DNAH9: variants seen among roughly 807,000 people sequenced by gnomAD.
The protein encoded by DNAH9 is DNAH9 variant protein.
DNAH9 carries 345 observed loss-of-function variants against 471.6 expected under a neutral mutation model. The ratio of observed to expected loss-of-function variants is 0.73; its 90% CI spans 0.67 to 0.80. The LOEUF is 0.80. Ranked by LOEUF, DNAH9 falls within the 30% of genes least tolerant of loss-of-function variation. The pLI, the probability that DNAH9 is intolerant of heterozygous loss-of-function variation, is 0.00. For missense variants in DNAH9, 5,407 were observed against 5,609.2 expected (o/e 0.96, Z 1.15); for synonymous variants, 2,093 against 2,123.6 (o/e 0.99, Z 0.40).
At chr17:11,624,638 C>T (rs1006196728) in intron 6 of DNAH9, among the ~76,000 whole-genome samples, 1 of 152,132 alleles carries the variant, frequency 6.6e-6, no homozygotes, top group Non-Finnish European at 1.5e-5. Flanking sequence ...GAGATTTGTA[C>T]CCAGGGGGAC....
chr17:11,693,833 G>A, intron 20 of DNAH9, 35 bp from the exon 21 acceptor site: 4 of 1,613,526 alleles, frequency 2.5e-6, no homozygotes, highest in Non-Finnish European at 3.4e-6. Context: ...ACTGAGTGGA[G>A]TGGTGGTTAA....
chr17:11,837,235 T>A (rs1158612249), intron 49 of DNAH9, among the ~76,000 whole-genome samples: 1 of 152,238 alleles, frequency 6.6e-6, no homozygotes, highest in Non-Finnish European at 1.5e-5. Flanking sequence ...TGGAATAGGA[T>A]ACTGAAAATC....
chr17:11,829,246 CTTGAG>C (rs1260581995), intron 48 of DNAH9, among the ~76,000 whole-genome samples: 1 of 152,080 alleles, frequency 6.6e-6, no homozygotes. Flanking sequence ...AGGCTAAGGA[CTTGAG>C]TTATTTTGTA....
chr17:11,916,689 C>T (rs1346424851), intron 61 of DNAH9, among the ~76,000 whole-genome samples: 1 of 152,188 alleles, frequency 6.6e-6, no homozygotes, highest in African/African-American at 2.4e-5. Context: ...TCTTAAAAAG[C>T]TTGGAATCAT....
At chr17:11,871,023 C>T (rs1338158296) in intron 51 of DNAH9, among the ~76,000 whole-genome samples, 3 of 152,118 alleles carry the variant, frequency 2.0e-5, no homozygotes, top group Non-Finnish European at 4.4e-5. Flanking sequence ...ACTAACAGTC[C>T]TCTGTAGAAA....
At chr17:11,805,186 G>C (rs147247565) in intron 43 of DNAH9, among the ~76,000 whole-genome samples, 2 of 152,114 alleles carry the variant, frequency 1.3e-5, no homozygotes, top group African/African-American at 4.8e-5. Context: ...AACAACAAAC[G>C]TTTAGTTTAT....
At chr17:11,855,847 A>G (rs561415159) in intron 50 of DNAH9, among the ~76,000 whole-genome samples, 41 of 152,240 alleles carry the variant, frequency 2.7e-4, no homozygotes, top group Non-Finnish European at 1.3e-4. Flanking sequence ...CCAAGCTGTA[A>G]TATTTACTGA....
At chr17:11,957,667 A>G (rs1975721754) in intron 67 of DNAH9, among the ~76,000 whole-genome samples, 1 of 152,184 alleles carries the variant, frequency 6.6e-6, no homozygotes, top group Non-Finnish European at 1.5e-5. Flanking sequence ...GAGATGAACC[A>G]GCAAAGAGAC....
At chr17:11,771,124 CTATT>C (rs1366389959) in intron 38 of DNAH9, among the ~76,000 whole-genome samples, 2 of 151,842 alleles carry the variant, frequency 1.3e-5, no homozygotes, top group Non-Finnish European at 2.9e-5. Flanking sequence ...TTATCTATAC[CTATT>C]TATTTATTTA....
At chr17:11,940,110 T>C (rs1057194841) in intron 66 of DNAH9, among the ~76,000 whole-genome samples, 2 of 152,276 alleles carry the variant, frequency 1.3e-5, no homozygotes, top group Non-Finnish European at 2.9e-5. Context: ...TAGATTTTTC[T>C]GATAAGCATT....
intron 60 of DNAH9, among the ~76,000 whole-genome samples, chr17:11,903,644 C>T (rs1214301131): frequency 6.6e-6 from 1 of 152,098 alleles, no homozygotes; most frequent in Non-Finnish European, 1.5e-5. Flanking sequence ...GGCGCGGTGG[C>T]TCACGCCTGT....
Position 11,795,342 on chromosome 17 carries a change from C to T in DNAH9, c.8223+1678C>T, listed in dbSNP as rs547293876. 6.2e-4 allele frequency among the ~76,000 whole-genome samples: 95 copies of T among 152,312 alleles called. 1 individual carries two copies. The South Asian group carries it at 0.011, about 18-fold the overall frequency. On this transcript the variant is annotated intron_variant, in intron 42 of 68. Transcript: ENST00000262442. ...ATTAACCAAAGCCCCATCTTTTCCA[C>T]ACATACTGCTTGTCTGTTCCCTCTG...
At chr17:11,747,488 C>T in intron 31 of DNAH9, 68 bp from the exon 32 acceptor site, 1 of 1,304,114 alleles carries the variant, frequency 7.7e-7, no homozygotes, top group African/African-American at 1.4e-5. Flanking sequence ...GCTGGGGTCA[C>T]AGAAGAGCAG....
At chr17:11,657,518 G>A (rs1361871288) in intron 14 of DNAH9, among the ~76,000 whole-genome samples, 1 of 151,958 alleles carries the variant, frequency 6.6e-6, no homozygotes, top group South Asian at 2.1e-4. Context: ...TATTCTTATT[G>A]ATATATGTTG....
intron 45 of DNAH9, 56 bp from the exon 46 acceptor site, chr17:11,821,863 GA>G: frequency 6.4e-7 from 1 of 1,565,346 alleles, no homozygotes; most frequent in South Asian, 1.2e-5. Context: ...TCCCATGTCT[GA>G]TTGCATCATT....
intron 20 of DNAH9, among the ~76,000 whole-genome samples, chr17:11,693,496 C>T (rs1163448899): frequency 2.7e-5 from 4 of 150,112 alleles, no homozygotes; most frequent in African/African-American, 9.8e-5. Flanking sequence ...TGGCCTCAAA[C>T]CATCCGCCCG....
In DNAH9 at chr17:11,827,644, A is replaced by G. The variant is rs189855926; in HGVS notation, c.9246+4610A>G. 1.3e-4 allele frequency among the ~76,000 whole-genome samples: 19 copies of G among 151,306 alleles called. No homozygotes were observed. In the East Asian group the frequency reaches 3.1e-3, roughly 25 times the overall value. ...TTTCTCAGGGATGTATATTCAAACT[A>G]TATTACCCACACAGGCCAAAGTCCT... On this transcript the variant is annotated intron_variant, in intron 48 of 68. Coordinates refer to ENST00000262442, the MANE Select transcript of DNAH9 (RefSeq NM_001372.4).
intron 67 of DNAH9, among the ~76,000 whole-genome samples, chr17:11,952,343 A>G (rs1975411336): frequency 2.1e-5 from 2 of 97,098 alleles, no homozygotes; most frequent in Non-Finnish European, 1.9e-5. Context: ...TTTTTGGTAG[A>G]TACCAGGCCT....
chr17:11,717,064 T>C (rs1228844844), intron 26 of DNAH9, among the ~76,000 whole-genome samples: 1 of 152,166 alleles, frequency 6.6e-6, no homozygotes, highest in African/African-American at 2.4e-5. Flanking sequence ...TGTTACCAAA[T>C]GGTAACAGTG....
Sources: allele counts gnomAD v4.1 joint callset (sites outside exome capture counted in the v4.1 genomes callset), GRCh38; gene constraint gnomAD v4.1.1; transcripts MANE v1.5; gene names NCBI Gene and HGNC (gene_info 2026-07-23, HGNC 2026-07-21).